DIPK1A: variants seen among roughly 807,000 people sequenced by gnomAD.
DIPK1A encodes the protein family with sequence similarity 69 member A.
A neutral mutation model predicts 40.8 loss-of-function variants in DIPK1A; 27 were observed. The observed-to-expected ratio is 0.66, with a 90% CI of 0.49 to 0.91. DIPK1A has a LOEUF of 0.91. Ranked by LOEUF, DIPK1A falls within the 40% of genes least tolerant of loss-of-function variation. The probability of loss-of-function intolerance (pLI) is 0.00; values close to 1 mark genes in which losing one functional copy is unlikely to be tolerated. For missense variants in DIPK1A, 412 were observed against 505.7 expected (o/e 0.81, Z 1.78); for synonymous variants, 166 against 171.3 (o/e 0.97, Z 0.24).
chr1:92,879,375 TTTC>T (rs1648275319), intron 1 of DIPK1A, among the ~76,000 whole-genome samples: 1 of 152,224 alleles, frequency 6.6e-6, no homozygotes, highest in African/African-American at 2.4e-5. Context: ...TTTAAATATT[TTTC>T]TTTTCTCTAC....
chr1:92,934,475 C>A (rs1650874784), intron 1 of DIPK1A, among the ~76,000 whole-genome samples: 1 of 151,584 alleles, frequency 6.6e-6, no homozygotes, highest in African/African-American at 2.4e-5. Flanking sequence ...AGTTTAAAAT[C>A]AAAAAGTTAT....
intron 2 of DIPK1A, among the ~76,000 whole-genome samples, chr1:92,865,195 C>T (rs1557459543): frequency 2.0e-5 from 3 of 151,866 alleles, no homozygotes; most frequent in Admixed American, 1.3e-4. Flanking sequence ...TAACCCATCT[C>T]TAATAAAAAT....
intron 2 of DIPK1A, among the ~76,000 whole-genome samples, chr1:92,873,925 C>T (rs986028550): frequency 6.6e-6 from 1 of 152,028 alleles, no homozygotes; most frequent in African/African-American, 2.4e-5. Flanking sequence ...AGTTCTAATC[C>T]CACAATTGTG....
At chr1:92,935,709 T>C (rs1650919718) in intron 1 of DIPK1A, among the ~76,000 whole-genome samples, 1 of 152,024 alleles carries the variant, frequency 6.6e-6, no homozygotes. Context: ...TTATCCTTAT[T>C]ATATTATAAC....
chr1:92,876,717 T>C (rs1222049761), intron 1 of DIPK1A, among the ~76,000 whole-genome samples: 1 of 152,174 alleles, frequency 6.6e-6, no homozygotes, highest in African/African-American at 2.4e-5. Flanking sequence ...CAAGCACATG[T>C]ACCATGCTAC....
intron 1 of DIPK1A, among the ~76,000 whole-genome samples, chr1:92,915,744 C>T (rs113047693): frequency 0.034 from 5,193 of 152,218 alleles, 275 homozygotes; most frequent in African/African-American, 0.11. Context: ...AGGCTTACAA[C>T]ATGACCCAGC....
At chr1:92,926,631 T>C (rs1283934189) in intron 1 of DIPK1A, among the ~76,000 whole-genome samples, 1 of 152,244 alleles carries the variant, frequency 6.6e-6, no homozygotes, top group African/African-American at 2.4e-5. Context: ...AGTATGACTG[T>C]GGACTTGAAT....
intron 1 of DIPK1A, among the ~76,000 whole-genome samples, chr1:92,952,358 G>A (rs559248228): frequency 3.5e-4 from 54 of 152,266 alleles, no homozygotes; most frequent in South Asian, 1.4e-3. Context: ...AGTGGCTCAC[G>A]CCTGTAATGC....
At chr1:92,887,054 G>A (rs1648636390) in intron 1 of DIPK1A, among the ~76,000 whole-genome samples, 1 of 151,786 alleles carries the variant, frequency 6.6e-6, no homozygotes, top group Non-Finnish European at 1.5e-5. Flanking sequence ...CTGCCTCATT[G>A]GTGTTGGGCT....
intron 1 of DIPK1A, among the ~76,000 whole-genome samples, chr1:92,959,915 T>TTTTTTTTTTTTTG: frequency 8.7e-6 from 1 of 115,510 alleles, no homozygotes; most frequent in Non-Finnish European, 1.8e-5. Flanking sequence ...TTTTTTTTTT[T>TTTTTTTTTTTTTG]TTTTTTTTTT....
At chr1:92,914,229 G>A (rs114909049) in intron 1 of DIPK1A, among the ~76,000 whole-genome samples, 4,929 of 151,056 alleles carry the variant, frequency 0.033, 118 homozygotes, top group Non-Finnish European at 0.049. Context: ...TTGGATTAAC[G>A]AGCATTAAAG....
chr1:92,872,069 C>CTTTTTTTTTTTT (rs148010880), intron 2 of DIPK1A, among the ~76,000 whole-genome samples: 2 of 67,936 alleles, frequency 2.9e-5, no homozygotes, highest in Non-Finnish European at 5.1e-5. Flanking sequence ...TTCTTTAAAT[C>CTTTTTTTTTTTT]TTTTTTTTTT....
chr1:92,953,836 C>T (rs1651735144), intron 1 of DIPK1A, among the ~76,000 whole-genome samples: 1 of 151,954 alleles, frequency 6.6e-6, no homozygotes, highest in South Asian at 2.1e-4. Flanking sequence ...GCACAAAGTG[C>T]ATAAAATAGT....
intron 1 of DIPK1A, chr1:92,931,140 T>G (rs894095032): frequency 1.3e-5 from 2 of 152,206 alleles, no homozygotes; most frequent in African/African-American, 4.8e-5. Flanking sequence ...CATTTTTTTT[T>G]GGTTTACAGA....
At chr1:92,840,399 G>GT (rs1203158746), downstream of DIPK1A, 4 of 659,970 alleles carry the variant, frequency 6.1e-6, no homozygotes, top group Non-Finnish European at 1.1e-5. Context: ...GAAAAGGTGA[G>GT]TTACATTTAG....
chr1:92,959,373 G>A (rs924729836), intron 1 of DIPK1A, among the ~76,000 whole-genome samples: 3 of 151,844 alleles, frequency 2.0e-5, no homozygotes, highest in Non-Finnish European at 2.9e-5. Flanking sequence ...TACTGATGAG[G>A]GTGGCTGATG....
chr1:92,833,750 T>G, intron 4 of DIPK1A: 5 of 997,852 alleles, frequency 5.0e-6, no homozygotes, highest in Non-Finnish European at 7.9e-6. Flanking sequence ...TTAGAAGGGC[T>G]GTCTAGCACC....
At position 92,947,707 on chromosome 1, in the gene DIPK1A, T is replaced by C. The variant is rs1030976526; in HGVS notation, c.54+13669A>G. On this transcript the variant is annotated intron_variant, in intron 1 of 4. Coordinates refer to ENST00000370310, the MANE Select transcript of DIPK1A (RefSeq NM_001006605.5). ...GGAATCAATCAAAGTAATGGAATAC[T>C]ATTCAGCCACAGAAAACAATGAAAT... is the stretch of plus-strand genomic sequence containing the variant. Among the ~76,000 whole-genome samples the C allele has an allele frequency of 6.6e-5, 10 of 152,236 alleles. No homozygotes were observed. The East Asian group carries it at 1.7e-3, about 26-fold the overall frequency.
intron 4 of DIPK1A, chr1:92,836,647 A>G: frequency 4.1e-6 from 2 of 492,164 alleles, no homozygotes; most frequent in Non-Finnish European, 3.7e-6. Context: ...TGAAACCACT[A>G]CCTTTTGCAT....
Sources: gnomAD v4.1 joint callset for allele counts (sites outside exome capture counted in the v4.1 genomes callset) on GRCh38, gnomAD v4.1.1 for gene constraint, MANE v1.5 for transcripts, NCBI Gene and HGNC (gene_info 2026-07-23, HGNC 2026-07-21) for gene names.